PARG: variants seen among roughly 807,000 people sequenced by gnomAD.
PARG encodes mitochondrial poly(ADP-ribose) glycohydrolase.
A neutral mutation model predicts 113.0 loss-of-function variants in PARG; 35 were observed. The ratio of observed to expected loss-of-function variants is 0.31; its 90% confidence interval spans 0.24 to 0.41. PARG has a LOEUF of 0.41. PARG is among the 10% of genes least tolerant of loss of function. The pLI is 1.00. For missense variants in PARG, 797 were observed against 1,169.4 expected, an observed-to-expected ratio of 0.68 and a Z score of 4.64; for synonymous variants, 330 against 409.9, an observed-to-expected ratio of 0.81 and a Z score of 2.36.
intron 13 of PARG, among the ~76,000 whole-genome samples, chr10:49,847,888 G>A (rs1233271368): frequency 2.1e-5 from 3 of 142,868 alleles, no homozygotes; most frequent in Admixed American, 1.4e-4. Context: ...TGATGAAGTA[G>A]ATGGGACAAA....
chr10:49,845,238 C>T (rs1176827000), intron 13 of PARG, among the ~76,000 whole-genome samples: 1 of 152,106 alleles, frequency 6.6e-6, no homozygotes, highest in African/African-American at 2.4e-5. Context: ...ATACACGTAA[C>T]CTTTGACCTA....
chr10:49,904,480 T>A (rs1205605283), intron 7 of PARG, among the ~76,000 whole-genome samples: 2 of 151,602 alleles, frequency 1.3e-5, no homozygotes, highest in African/African-American at 4.8e-5. Context: ...GGTAATGATG[T>A]GTCAAGGTAG....
At chr10:49,929,489 A>G (rs1383072036) in intron 4 of PARG, among the ~76,000 whole-genome samples, 1 of 152,248 alleles carries the variant, frequency 6.6e-6, no homozygotes, top group Non-Finnish European at 1.5e-5. Flanking sequence ...TCCCTAAGAA[A>G]TTTGACATAA....
chr10:49,893,795 G>A (rs1437878134), intron 7 of PARG, among the ~76,000 whole-genome samples: 4 of 151,620 alleles, frequency 2.6e-5, no homozygotes, highest in Admixed American at 1.3e-4. Context: ...CCAAGTTCAC[G>A]CCATTCTCCT....
intron 6 of PARG, among the ~76,000 whole-genome samples, chr10:49,917,660 T>C (rs1588987201): frequency 6.7e-6 from 1 of 149,212 alleles, no homozygotes; most frequent in Non-Finnish European, 1.5e-5. Context: ...TAGAAAAAAA[T>C]ACAAAAATTA....
At chr10:49,917,776 C>T (rs1364812242) in intron 6 of PARG, among the ~76,000 whole-genome samples, 1 of 148,910 alleles carries the variant, frequency 6.7e-6, no homozygotes, top group Non-Finnish European at 1.5e-5. Context: ...CGAGATTGCA[C>T]CACTGCACTC....
At chr10:49,917,326 T>TAAAAA (rs781877919) in intron 6 of PARG, among the ~76,000 whole-genome samples, 668 of 151,414 alleles carry the variant, frequency 4.4e-3, no homozygotes, top group East Asian at 0.018. Context: ...ATGTCTCTAA[T>TAAAAA]AAAAATACAA....
At chr10:49,900,390 A>C (rs1282773748) in intron 7 of PARG, among the ~76,000 whole-genome samples, 7 of 151,272 alleles carry the variant, frequency 4.6e-5, no homozygotes, top group Admixed American at 1.3e-4. Context: ...CCAAATAATT[A>C]ACAACTAGTC....
intron 6 of PARG, among the ~76,000 whole-genome samples, chr10:49,921,094 G>C (rs868938715): frequency 4.6e-5 from 7 of 152,130 alleles, no homozygotes; most frequent in African/African-American, 1.7e-4. Context: ...GGTGGTTTTA[G>C]GGTCTAAGGA....
At chr10:49,919,287 A>T (rs1301465760) in intron 6 of PARG, among the ~76,000 whole-genome samples, 1 of 152,218 alleles carries the variant, frequency 6.6e-6, no homozygotes, top group Non-Finnish European at 1.5e-5. Context: ...AAAAATTCTT[A>T]AAAACAGCCT....
chr10:49,919,815 A>G (rs1178119655), intron 6 of PARG, among the ~76,000 whole-genome samples: 2 of 152,208 alleles, frequency 1.3e-5, no homozygotes, highest in East Asian at 3.9e-4. Context: ...AGGGAGGTGT[A>G]GGTTGCAGTG....
Position 49,819,178 on chromosome 10 carries a change from C to T in PARG, c.*162G>A. The T allele has an allele frequency of 1.8e-6, 1 of 543,984 alleles. No individual in the cohort carries two copies. The highest frequency in any genetic ancestry group is 3.3e-6 in the Non-Finnish European group (1 of 306,506). 33.7% of individuals were successfully genotyped at this position (543,984 alleles called of 1,614,324 possible). Reference sequence around the variant, plus strand: ...CAGGATGGAGGGAGTTTAGATGTACCAACTGACAACTGCACATGTGTGGAA... The same window carrying T: ...CAGGATGGAGGGAGTTTAGATGTACTAACTGACAACTGCACATGTGTGGAA... On this transcript the variant is annotated 3_prime_UTR_variant, in exon 18 of 18. Coordinates refer to ENST00000616448, the MANE Select transcript of PARG (RefSeq NM_003631.5).
rs1372783808 is a variant in PARG at position 49,933,166 on chromosome 10, G to A, written c.1271+11C>T. On this transcript the variant is annotated intron_variant, in intron 3 of 17. Transcript: ENST00000616448. ...TATGCTATTGGAGAGATACTGCTGA[G>A]AGAAAATTACCTTCTGTCCTCTGCT... 4.6e-6 allele frequency: 7 copies of A among 1,535,954 alleles called. No homozygotes were observed. The South Asian group carries it at 5.9e-5, about 13-fold the overall frequency.
At chr10:49,905,992 G>A (rs552308827) in intron 7 of PARG, among the ~76,000 whole-genome samples, 2 of 149,078 alleles carry the variant, frequency 1.3e-5, no homozygotes, top group African/African-American at 2.5e-5. Context: ...TGCCCAAGGC[G>A]ATGCCAAGTA....
intron 14 of PARG, among the ~76,000 whole-genome samples, 162 bp from the exon 15 acceptor site, chr10:49,842,220 AT>A (rs1845279452): frequency 6.6e-6 from 1 of 152,252 alleles, no homozygotes; most frequent in Non-Finnish European, 1.5e-5. Flanking sequence ...AACACCCTTT[AT>A]TTTTAGATTG....
intron 4 of PARG, among the ~76,000 whole-genome samples, chr10:49,928,807 C>T (rs1435763974): frequency 6.6e-6 from 1 of 152,188 alleles, no homozygotes; most frequent in Admixed American, 6.6e-5. Flanking sequence ...GCCCAACTTT[C>T]ATTTTACTAT....
At chr10:49,824,039 AG>A (rs1554829101) in intron 16 of PARG, among the ~76,000 whole-genome samples, 1 of 152,202 alleles carries the variant, frequency 6.6e-6, no homozygotes, top group African/African-American at 2.4e-5. Flanking sequence ...CTCTGTGACT[AG>A]CCAGTTACTC....
chr10:49,920,852 C>T (rs1554849132), intron 6 of PARG, among the ~76,000 whole-genome samples: 1 of 151,938 alleles, frequency 6.6e-6, no homozygotes, highest in Non-Finnish European at 1.5e-5. Context: ...GTGTTCAAGA[C>T]AATCTAAATT....
chr10:49,857,570 T>A (rs1422725737), intron 12 of PARG, 117 bp from the exon 13 acceptor site: 1 of 601,244 alleles, frequency 1.7e-6, no homozygotes, highest in Non-Finnish European at 3.0e-6. Flanking sequence ...AATCCCCAAA[T>A]AAGTAATCTT....
Sources: allele counts gnomAD v4.1 joint callset (sites outside exome capture counted in the v4.1 genomes callset), GRCh38; gene constraint gnomAD v4.1.1; transcripts MANE v1.5; gene names NCBI Gene and HGNC (gene_info 2026-07-23, HGNC 2026-07-21).